The following CAMK1D variants were observed in gnomAD, a reference collection of about 807,000 sequenced individuals.
CAMK1D encodes calcium/calmodulin dependent protein kinase ID, also known as calcium/calmodulin-dependent protein kinase type 1D.
Under a neutral mutation model 47.7 loss-of-function variants are expected in CAMK1D, and 9 were observed. The observed-to-expected ratio is 0.19, with a 90% CI of 0.11 to 0.33. CAMK1D has a LOEUF of 0.33. Among genes scored for constraint, CAMK1D ranks in the 10% least tolerant of loss-of-function variants. CAMK1D has a pLI of 1.00. For synonymous variants in CAMK1D, 184 were observed against 184.9 expected, an observed-to-expected ratio of 0.99 and a Z score of 0.04; for missense variants, 291 against 488.7, an observed-to-expected ratio of 0.60 and a Z score of 3.81.
intron 3 of CAMK1D, among the ~76,000 whole-genome samples, chr10:12,700,945 A>T (rs1833493720): frequency 6.6e-6 from 1 of 152,210 alleles, no homozygotes. Flanking sequence ...TTCTCCACGT[A>T]TGTATAAAGC....
intron 5 of CAMK1D, 24 bp downstream of exon 5, chr10:12,769,823 A>C (rs759334222): frequency 6.2e-7 from 1 of 1,613,084 alleles, no homozygotes; most frequent in African/African-American, 1.3e-5. Flanking sequence ...ATGTGCACAC[A>C]TGTGCCCGTG....
chr10:12,514,055 C>T (rs74743169), intron 1 of CAMK1D, among the ~76,000 whole-genome samples: 5,211 of 152,230 alleles, frequency 0.034, 118 homozygotes, highest in Non-Finnish European at 0.052. Context: ...TCACTGCCCC[C>T]CTAGAGAGAA....
chr10:12,576,863 G>A (rs527279828), intron 2 of CAMK1D, among the ~76,000 whole-genome samples: 8 of 152,222 alleles, frequency 5.3e-5, no homozygotes, highest in African/African-American at 1.7e-4. Context: ...TTGGTCCTGT[G>A]CATGTCAGTC....
At chr10:12,426,840 G>A (rs967894658) in intron 1 of CAMK1D, among the ~76,000 whole-genome samples, 2 of 151,580 alleles carry the variant, frequency 1.3e-5, no homozygotes, top group Admixed American at 6.6e-5. Flanking sequence ...TCTGCCTCTT[G>A]AGTAGCTGGG....
intron 1 of CAMK1D, among the ~76,000 whole-genome samples, chr10:12,524,821 C>G (rs1292998538): frequency 6.6e-6 from 1 of 152,212 alleles, no homozygotes; most frequent in Non-Finnish European, 1.5e-5. Flanking sequence ...TTCTTTAGCT[C>G]TCTCTTTATT....
chr10:12,362,483 TTTTTG>T (rs1837696432), intron 1 of CAMK1D, among the ~76,000 whole-genome samples: 2 of 108,464 alleles, frequency 1.8e-5, no homozygotes, highest in African/African-American at 6.2e-5. Context: ...TCCCATGTAC[TTTTTG>T]TTTTTTGTTT....
At position 12,729,872 on chromosome 10, in the gene CAMK1D, T is replaced by TG. The variant is rs558460125; in HGVS notation, c.300-31075dup. 1.1e-3 allele frequency among the ~76,000 whole-genome samples: 172 copies of TG among 152,140 alleles called. 1 individual carries two copies. The Middle Eastern group carries it at 0.024, about 21-fold the overall frequency. On this transcript the variant is annotated intron_variant, in intron 3 of 10. Transcript: ENST00000619168. ...CCCAGCGGAAGGCTGGTGCAGCTAA[T>TG]GCTGGTGAGGTCGGGGACAAAAGAC...
chr10:12,783,015 CAG>C (rs980165624), intron 5 of CAMK1D, among the ~76,000 whole-genome samples: 14 of 140,094 alleles, frequency 1.0e-4, no homozygotes, highest in African/African-American at 3.3e-4. Context: ...TTTTTTGAGA[CAG>C]AGTCTTGCTC....
chr10:12,512,622 C>T (rs892705263), intron 1 of CAMK1D, among the ~76,000 whole-genome samples: 4 of 152,098 alleles, frequency 2.6e-5, no homozygotes, highest in African/African-American at 7.2e-5. Context: ...AATTAGACTC[C>T]GTAGTGGCTA....
chr10:12,355,307 C>T (rs899556764), intron 1 of CAMK1D, among the ~76,000 whole-genome samples: 1 of 152,168 alleles, frequency 6.6e-6, no homozygotes, highest in East Asian at 1.9e-4. Context: ...GTGGGTCAAG[C>T]ACCGTCTTTT....
chr10:12,548,447 C>CTTTTTTTTTTT (rs35061502), intron 1 of CAMK1D, among the ~76,000 whole-genome samples: 4 of 81,186 alleles, frequency 4.9e-5, no homozygotes, highest in South Asian at 5.0e-4. Flanking sequence ...CCATTTTAAG[C>CTTTTTTTTTTT]TTTTTTTTTT....
intron 6 of CAMK1D, among the ~76,000 whole-genome samples, chr10:12,797,136 A>C (rs1838229890): frequency 6.6e-6 from 1 of 151,912 alleles, no homozygotes; most frequent in Non-Finnish European, 1.5e-5. Flanking sequence ...CCTTCTCCAT[A>C]GAAGGATGAT....
At chr10:12,564,801 A>G (rs145127819) in intron 2 of CAMK1D, among the ~76,000 whole-genome samples, 2 of 152,368 alleles carry the variant, frequency 1.3e-5, no homozygotes, top group Non-Finnish European at 2.9e-5. Context: ...GCTGCAATAG[A>G]TGTAGTGTTT....
intron 2 of CAMK1D, among the ~76,000 whole-genome samples, chr10:12,631,881 C>T (rs935705011): frequency 4.6e-5 from 7 of 152,156 alleles, no homozygotes; most frequent in African/African-American, 1.7e-4. Flanking sequence ...AAAGTTTCTC[C>T]AGGAGGCTGC....
intron 1 of CAMK1D, among the ~76,000 whole-genome samples, chr10:12,527,662 C>T (rs1020205829): frequency 6.6e-6 from 1 of 152,274 alleles, no homozygotes; most frequent in East Asian, 1.9e-4. Flanking sequence ...AGGCGTGAGC[C>T]ACCGCGCCCA....
At chr10:12,554,731 T>C (rs760719654) in intron 2 of CAMK1D, among the ~76,000 whole-genome samples, 2 of 151,132 alleles carry the variant, frequency 1.3e-5, no homozygotes, top group Non-Finnish European at 2.9e-5. Context: ...TTTTAAGAGA[T>C]GGAGGGCTCA....
intron 3 of CAMK1D, among the ~76,000 whole-genome samples, chr10:12,672,883 A>C (rs1341388648): frequency 1.6e-5 from 2 of 126,798 alleles, no homozygotes; most frequent in Non-Finnish European, 3.3e-5. Context: ...TGTAAGTTTT[A>C]GAATAGGCTT....
chr10:12,676,337 C>G (rs1840809139), intron 3 of CAMK1D, among the ~76,000 whole-genome samples: 1 of 152,164 alleles, frequency 6.6e-6, no homozygotes, highest in Non-Finnish European at 1.5e-5. Context: ...GACATATACC[C>G]CAAGCTCTCC....
At chr10:12,614,084 A>G (rs1838710995) in intron 2 of CAMK1D, among the ~76,000 whole-genome samples, 1 of 152,056 alleles carries the variant, frequency 6.6e-6, no homozygotes, top group Admixed American at 6.5e-5. Flanking sequence ...GGGTGATGTT[A>G]AAAGAGCCAG....
Sources: allele counts gnomAD v4.1 joint callset (sites outside exome capture counted in the v4.1 genomes callset), GRCh38; gene constraint gnomAD v4.1.1; transcripts MANE v1.5; gene names NCBI Gene and HGNC (gene_info 2026-07-23, HGNC 2026-07-21).